MRTFB: variants seen among roughly 807,000 people sequenced by gnomAD.
MRTFB encodes the protein myocardin related transcription factor B.
Under a neutral mutation model 104.2 loss-of-function variants are expected in MRTFB, and 29 were observed. That is an observed-to-expected ratio of 0.28 (90% CI 0.21 to 0.38). The LOEUF is 0.38. MRTFB is among the 10% of genes least tolerant of loss of function. MRTFB has a pLI of 1.00. For synonymous variants in MRTFB, 535 were observed against 519.5 expected, an observed-to-expected ratio of 1.03 and a Z score of -0.41; for missense variants, 1,270 against 1,341.6, an observed-to-expected ratio of 0.95 and a Z score of 0.83.
chr16:14,080,858 A>G lies in MRTFB; in HGVS notation c.-64+1504A>G, dbSNP rs560096928. On this transcript the variant is annotated intron_variant, in intron 2 of 16. Transcript: ENST00000571589. ...AGGATTTCCGTTTTTATAGTTGAAT[A>G]GTACTCCGTTGTGTATATATACCAC... 2.6e-4 allele frequency among the ~76,000 whole-genome samples: 40 copies of G among 152,366 alleles called. No homozygotes were observed. In the South Asian group the frequency reaches 8.1e-3, roughly 31 times the overall value.
At chr16:14,118,431 CTG>C (rs1338259160) in intron 2 of MRTFB, among the ~76,000 whole-genome samples, 2 of 151,758 alleles carry the variant, frequency 1.3e-5, no homozygotes, top group Non-Finnish European at 2.9e-5. Context: ...CGTTAAGCCA[CTG>C]TGCCAAGCCT....
At chr16:14,007,382 A>G in the MRTFB span, among the ~76,000 whole-genome samples, 3,108 of 152,286 alleles carry the variant, frequency 0.02, 100 homozygotes, top group African/African-American at 0.071. Context: ...CATGCTTTTA[A>G]GTTCCCCCAT....
At chr16:14,104,749 G>C (rs1211474586) in intron 2 of MRTFB, among the ~76,000 whole-genome samples, 1 of 152,104 alleles carries the variant, frequency 6.6e-6, no homozygotes, top group Non-Finnish European at 1.5e-5. Flanking sequence ...TTTCCTTTAG[G>C]ATTTACTTAA....
chr16:14,197,733 T>C lies in MRTFB; in HGVS notation c.155-12510T>C, dbSNP rs368204326. Among the ~76,000 whole-genome samples the C allele has an allele frequency of 2.9e-4, 44 of 152,284 alleles. No homozygotes were observed. In the East Asian group the frequency reaches 6.9e-3, roughly 24 times the overall value. Reference sequence around the variant, plus strand: ...AGGGCAAATAGAGGCAAAATATAGATATCTAGCGTGCAGTGTGATGGGGAA... The same window carrying C: ...AGGGCAAATAGAGGCAAAATATAGACATCTAGCGTGCAGTGTGATGGGGAA... On this transcript the variant is annotated intron_variant, in intron 3 of 16. Transcript: ENST00000571589.
chr16:14,256,014 A>AT (rs1051575648), intron 15 of MRTFB, among the ~76,000 whole-genome samples: 1 of 151,716 alleles, frequency 6.6e-6, no homozygotes, highest in Non-Finnish European at 1.5e-5. Flanking sequence ...TTGGGAAGCT[A>AT]AAGTAGGAGT....
At position 14,234,402 on chromosome 16, in the gene MRTFB, T is replaced by G. The variant is rs971899873; in HGVS notation, c.831+119T>G. On this transcript the variant is annotated intron_variant, in intron 9 of 16. Transcript: ENST00000571589. ...GCTCAGCCTGCCTTTTAGCCCAAAGTCTTAAAAACTAAGCCATGCAAAGAC... is the reference window on the plus strand; with the variant it reads ...GCTCAGCCTGCCTTTTAGCCCAAAGGCTTAAAAACTAAGCCATGCAAAGAC... 6.8e-6 allele frequency: 8 copies of G among 1,178,626 alleles called. No homozygotes were observed. The African/African-American group carries it at 1.2e-4, about 18-fold the overall frequency. The allele number at this position is 1,178,626 out of a possible 1,614,324, so 73.0% of individuals were successfully genotyped here.
chr16:14,204,744 A>G (rs1223845971), intron 3 of MRTFB, among the ~76,000 whole-genome samples: 1 of 152,206 alleles, frequency 6.6e-6, no homozygotes, highest in Admixed American at 6.5e-5. Flanking sequence ...TGAAATAGCC[A>G]TCTGTATCCA....
chr16:14,130,419 C>T (rs7194302), intron 2 of MRTFB, among the ~76,000 whole-genome samples: 35,713 of 152,088 alleles, frequency 0.23, 7,929 homozygotes, highest in African/African-American at 0.57. Flanking sequence ...TCATTTTGAA[C>T]ATATAAATTC....
At chr16:14,194,444 T>G (rs1000982450) in intron 3 of MRTFB, among the ~76,000 whole-genome samples, 2 of 152,166 alleles carry the variant, frequency 1.3e-5, no homozygotes, top group Non-Finnish European at 2.9e-5. Context: ...CTCATTTAAC[T>G]TTACCTCCGA....
chr16:14,004,425 A>G, the MRTFB span, among the ~76,000 whole-genome samples: 1 of 152,070 alleles, frequency 6.6e-6, no homozygotes, highest in African/African-American at 2.4e-5. Context: ...TTGCAACCGC[A>G]GGGAGTCACG....
chr16:14,241,159 A>G (rs60600355), intron 10 of MRTFB: 23,623 of 191,362 alleles, frequency 0.12, 3,874 homozygotes, highest in African/African-American at 0.41. Context: ...CTGCTGACGC[A>G]GTGAGGCCAA....
intron 13 of MRTFB, among the ~76,000 whole-genome samples, chr16:14,250,074 G>A (rs1172823666): frequency 1.3e-5 from 2 of 152,062 alleles, no homozygotes; most frequent in South Asian, 2.1e-4. Flanking sequence ...AGGGAGGAAA[G>A]GAAAAAATAA....
chr16:14,243,864 G>GTTTTTTTTT (rs56296807), intron 10 of MRTFB, among the ~76,000 whole-genome samples: 1 of 124,676 alleles, frequency 8.0e-6, no homozygotes, highest in African/African-American at 3.8e-5. Context: ...CCTGTTTTGG[G>GTTTTTTTTT]TTTTTTTTTT....
intron 11 of MRTFB, among the ~76,000 whole-genome samples, chr16:14,246,107 G>A (rs796469495): frequency 1.9e-4 from 29 of 152,216 alleles, no homozygotes; most frequent in African/African-American, 7.0e-4. Flanking sequence ...ATAATGATAC[G>A]GACACCTCAT....
chr16:14,222,581 T>TA (rs67123831), intron 8 of MRTFB, among the ~76,000 whole-genome samples: 2,868 of 151,554 alleles, frequency 0.019, 36 homozygotes, highest in Middle Eastern at 0.027. Flanking sequence ...GGTTTTTTTT[T>TA]TTATTATTAT....
the MRTFB span, among the ~76,000 whole-genome samples, chr16:14,034,568 C>T: frequency 1.2e-4 from 17 of 147,066 alleles, no homozygotes; most frequent in Middle Eastern, 3.6e-3. Flanking sequence ...GAGTGGAGAT[C>T]GTGCCATTGC....
intron 3 of MRTFB, among the ~76,000 whole-genome samples, chr16:14,185,183 G>A (rs1325561434): frequency 6.6e-6 from 1 of 152,214 alleles, no homozygotes; most frequent in Non-Finnish European, 1.5e-5. Flanking sequence ...GACTGCCGAG[G>A]ATGGACTTAA....
chr16:14,187,055 GGGGCAA>G (rs1297903623), intron 3 of MRTFB: 2 of 1,581,398 alleles, frequency 1.3e-6, no homozygotes, highest in Admixed American at 3.5e-5. Flanking sequence ...TCTGTGGACA[GGGGCAA>G]AACTGCCAAA....
At chr16:14,038,652 C>G in the MRTFB span, among the ~76,000 whole-genome samples, 1 of 152,174 alleles carries the variant, frequency 6.6e-6, no homozygotes, top group African/African-American at 2.4e-5. Flanking sequence ...TGCTGCATAA[C>G]AGTTACCCTC....
Sources: gnomAD v4.1 joint callset for allele counts (sites outside exome capture counted in the v4.1 genomes callset) on GRCh38, gnomAD v4.1.1 for gene constraint, MANE v1.5 for transcripts, NCBI Gene and HGNC (gene_info 2026-07-23, HGNC 2026-07-21) for gene names.